Variants in DIP2B observed in about 807,000 individuals in gnomAD.
The protein encoded by DIP2B is disco-interacting protein 2 homolog B.
In DIP2B, 76 loss-of-function variants were observed where a neutral mutation model predicts 198.0. That is an observed-to-expected ratio of 0.38 (90% CI 0.32 to 0.46). The LOEUF is 0.46. DIP2B is among the 20% of genes least tolerant of loss of function. The probability of loss-of-function intolerance (pLI) is 0.99; values close to 1 mark genes in which losing one functional copy is unlikely to be tolerated. For synonymous variants in DIP2B, 701 were observed against 739.1 expected (o/e 0.95, Z 0.84); for missense variants, 1,559 against 1,978.4 (o/e 0.79, Z 4.02).
intron 1 of DIP2B, among the ~76,000 whole-genome samples, chr12:50,548,949 C>T (rs951570574): frequency 3.9e-5 from 6 of 152,162 alleles, no homozygotes; most frequent in South Asian, 4.1e-4. Context: ...TCTAGTGTTG[C>T]AGTAATGTGT....
rs540369552 is a variant in DIP2B, at chr12:50,663,135, A to G, written c.427+2816A>G. ...AAAACAAAACAAAAGTGACCTAAGA[A>G]CAGTTGTGGTGCCGGGCGCAGTGGC... On this transcript the variant is annotated intron_variant, in intron 4 of 37. Coordinates refer to ENST00000301180, the MANE Select transcript of DIP2B (RefSeq NM_173602.3). Among the ~76,000 whole-genome samples the G allele has an allele frequency of 3.3e-5, 5 of 151,858 alleles. No homozygotes were observed. In the South Asian group the frequency reaches 1.0e-3, roughly 32 times the overall value.
At chr12:50,589,147 G>C (rs987702376) in intron 1 of DIP2B, among the ~76,000 whole-genome samples, 2 of 151,522 alleles carry the variant, frequency 1.3e-5, no homozygotes, top group African/African-American at 4.8e-5. Flanking sequence ...TCGCGCCACT[G>C]CACTCCAGCC....
chr12:50,617,159 C>CTT (rs63059261), intron 1 of DIP2B, among the ~76,000 whole-genome samples: 9 of 142,804 alleles, frequency 6.3e-5, no homozygotes, highest in East Asian at 2.1e-4. Flanking sequence ...GATCTTTTTG[C>CTT]TTTTTTTTTT....
chr12:50,537,113 A>AT (rs1958275944), intron 1 of DIP2B, among the ~76,000 whole-genome samples: 2 of 30,554 alleles, frequency 6.5e-5, no homozygotes, highest in African/African-American at 2.6e-4. Flanking sequence ...ATTATTCTCT[A>AT]ATTTTTTTTT....
At chr12:50,525,357 C>CACAA (rs1958153730) in intron 1 of DIP2B, among the ~76,000 whole-genome samples, 6 of 105,852 alleles carry the variant, frequency 5.7e-5, no homozygotes, top group African/African-American at 2.1e-4. Flanking sequence ...GACTCCATCT[C>CACAA]AAAAAAAAAA....
At chr12:50,602,387 G>C (rs1240879975) in intron 1 of DIP2B, among the ~76,000 whole-genome samples, 1 of 152,044 alleles carries the variant, frequency 6.6e-6, no homozygotes, top group African/African-American at 2.4e-5. Context: ...TCCCACCTCA[G>C]CCTCCCTAGT....
chr12:50,732,830 C>T (rs1228940344), intron 32 of DIP2B, among the ~76,000 whole-genome samples: 1 of 152,042 alleles, frequency 6.6e-6, no homozygotes, highest in Admixed American at 6.5e-5. Context: ...GAGTCATCGT[C>T]GTGTGGTCAT....
chr12:50,695,825 C>T (rs969519018), intron 15 of DIP2B, 23 bp from the exon 16 acceptor site: 2 of 1,613,632 alleles, frequency 1.2e-6, no homozygotes, highest in African/African-American at 2.7e-5. Context: ...TGTATGTTAA[C>T]TTCATCCTTT....
intron 1 of DIP2B, among the ~76,000 whole-genome samples, chr12:50,512,834 C>T (rs750435774): frequency 7.2e-5 from 11 of 152,106 alleles, no homozygotes; most frequent in Admixed American, 3.9e-4. Context: ...GGTGAAACCC[C>T]GTCTCTACTA....
chr12:50,612,355 A>T (rs1401414144), intron 1 of DIP2B, among the ~76,000 whole-genome samples: 1 of 151,954 alleles, frequency 6.6e-6, no homozygotes, highest in African/African-American at 2.4e-5. Flanking sequence ...TTCCTTTTGG[A>T]ATCGTGTTAT....
chr12:50,714,683 G>C, intron 23 of DIP2B, 87 bp downstream of exon 23: 1 of 1,524,508 alleles, frequency 6.6e-7, no homozygotes, highest in Non-Finnish European at 8.9e-7. Context: ...TCTACAATTA[G>C]TTTACAAAGA....
intron 2 of DIP2B, among the ~76,000 whole-genome samples, chr12:50,632,386 G>A (rs1038343973): frequency 6.7e-6 from 1 of 148,412 alleles, no homozygotes; most frequent in African/African-American, 2.5e-5. Flanking sequence ...GGCTGAAGCA[G>A]GAGAATAGTT....
At position 50,718,712 on chromosome 12, in the gene DIP2B, T is replaced by G. The variant is rs753579203; in HGVS notation, c.2855T>G (p.Val952Gly). 6.2e-7 allele frequency: 1 copy of G among 1,614,058 alleles called. No individual in the cohort carries two copies. Among genetic ancestry groups the G allele is most frequent in the Non-Finnish European group, 8.5e-7 (1 of 1,179,934 alleles). The part of the protein sequence containing the change: ...LPKPRQKQPG[V>G]GPASVMVGNL... ...TGGGTTTTGCATTTATTTACAGGTG[T>G]AGGCCCTGCTTCCGTGATGGTTGGG... Residue 952 changes from valine (V) to glycine (G), a missense_variant, in exon 24 of 38, where the codon GTA becomes GGA. Coordinates refer to ENST00000301180, the MANE Select transcript of DIP2B (RefSeq NM_173602.3).
In DIP2B at chr12:50,512,168, G is replaced by A. The variant is rs1469197248; in HGVS notation, c.100+6928G>A. Among the ~76,000 whole-genome samples the A allele has an allele frequency of 1.4e-5, 2 of 147,424 alleles. 1 individual carries two copies. Among genetic ancestry groups the A allele is most frequent in the East Asian group, 4.1e-4 (2 of 4,846 alleles). Reference sequence around the variant, plus strand: ...GTCCCCCAGGCTGGAGTACAGTGGCGTGATCTCTGCTCACTGCAACCTCCA... The same window carrying A: ...GTCCCCCAGGCTGGAGTACAGTGGCATGATCTCTGCTCACTGCAACCTCCA... On this transcript the variant is annotated intron_variant, in intron 1 of 37. Coordinates refer to ENST00000301180, the MANE Select transcript of DIP2B (RefSeq NM_173602.3).
At chr12:50,669,183 T>A (rs1592119037) in intron 4 of DIP2B, among the ~76,000 whole-genome samples, 1 of 152,202 alleles carries the variant, frequency 6.6e-6, no homozygotes, top group South Asian at 2.1e-4. Flanking sequence ...TTTATTCTTT[T>A]GAAATTATCT....
chr12:50,715,613 G>A (rs1286130701), intron 23 of DIP2B, among the ~76,000 whole-genome samples: 4 of 152,068 alleles, frequency 2.6e-5, no homozygotes, highest in Non-Finnish European at 4.4e-5. Context: ...TAAAATAATC[G>A]GCCACAGCCA....
At chr12:50,725,037 G>A in intron 28 of DIP2B, 151 bp downstream of exon 28, 1 of 719,858 alleles carries the variant, frequency 1.4e-6, no homozygotes, top group Non-Finnish European at 2.4e-6. Context: ...AGCTTGTGCA[G>A]GACTAGACAC....
chr12:50,672,736 C>T (rs962132282), intron 5 of DIP2B, among the ~76,000 whole-genome samples: 2 of 152,054 alleles, frequency 1.3e-5, no homozygotes, highest in Non-Finnish European at 2.9e-5. Flanking sequence ...ACCTATAATC[C>T]TACCTCCCAT....
intron 36 of DIP2B, among the ~76,000 whole-genome samples, chr12:50,740,817 A>G (rs1442294058): frequency 6.6e-6 from 1 of 152,028 alleles, no homozygotes; most frequent in Non-Finnish European, 1.5e-5. Flanking sequence ...AAAAAATGAC[A>G]CTTGTTCATC....
Sources: allele counts gnomAD v4.1 joint callset (sites outside exome capture counted in the v4.1 genomes callset), GRCh38; gene constraint gnomAD v4.1.1; transcripts MANE v1.5; gene names NCBI Gene and HGNC (gene_info 2026-07-23, HGNC 2026-07-21).